The following EDC3 variants were observed in gnomAD, a reference collection of about 807,000 sequenced individuals.
The protein encoded by EDC3 is enhancer of mRNA-decapping protein 3.
EDC3 carries 20 observed loss-of-function variants against 41.8 expected under a neutral mutation model. That is an observed-to-expected ratio of 0.48 (90% CI 0.34 to 0.70). The LOEUF (loss-of-function observed/expected upper bound fraction) is 0.70, where lower values mean the gene tolerates loss of function less well. EDC3 is among the 30% of genes least tolerant of loss of function. The probability of loss-of-function intolerance (pLI) is 0.01; values close to 1 mark genes in which losing one functional copy is unlikely to be tolerated. For synonymous variants in EDC3, 206 were observed against 243.2 expected, an observed-to-expected ratio of 0.85 and a Z score of 1.42; for missense variants, 444 against 636.8, an observed-to-expected ratio of 0.70 and a Z score of 3.26.
chr15:74,692,941 C>T (rs1422298348), intron 1 of EDC3: 1 of 152,114 alleles, frequency 6.6e-6, no homozygotes, highest in African/African-American at 2.4e-5. Context: ...TATATAAGAT[C>T]TAACAGATTC....
intron 5 of EDC3, chr15:74,635,847 C>CA: frequency 1.7e-6 from 1 of 575,008 alleles, no homozygotes; most frequent in Non-Finnish European, 3.1e-6. Flanking sequence ...TGGGTCCTCC[C>CA]ACTAAGTGGT....
chr15:74,680,092 C>T (rs1187972250), intron 1 of EDC3, among the ~76,000 whole-genome samples: 1 of 151,644 alleles, frequency 6.6e-6, no homozygotes, highest in Non-Finnish European at 1.5e-5. Context: ...GAAACCCTGT[C>T]TCTACTAAAA....
intron 1 of EDC3, among the ~76,000 whole-genome samples, chr15:74,678,727 T>C (rs2062835450): frequency 6.6e-6 from 1 of 151,106 alleles, no homozygotes; most frequent in South Asian, 2.1e-4. Flanking sequence ...CTGCCTCTAC[T>C]AAAAATACAA....
chr15:74,663,343 A>G (rs528376245), intron 3 of EDC3, among the ~76,000 whole-genome samples: 11 of 152,268 alleles, frequency 7.2e-5, no homozygotes, highest in African/African-American at 2.2e-4. Flanking sequence ...AAAGAAAAGC[A>G]TAAGTTGCTT....
At chr15:74,677,359 C>CTTTTTTTT (rs747397931) in intron 1 of EDC3, among the ~76,000 whole-genome samples, 1 of 111,324 alleles carries the variant, frequency 9.0e-6, no homozygotes, top group Non-Finnish European at 1.9e-5. Context: ...CATGCCCAGC[C>CTTTTTTTT]TTTTTTTTTT....
intron 3 of EDC3, among the ~76,000 whole-genome samples, chr15:74,670,887 G>C (rs1223538317): frequency 6.6e-6 from 1 of 152,158 alleles, no homozygotes; most frequent in Admixed American, 6.6e-5. Flanking sequence ...AAAGATCACA[G>C]AGATGTTTGG....
chr15:74,691,142 A>C (rs905042049), intron 1 of EDC3, among the ~76,000 whole-genome samples: 1 of 151,964 alleles, frequency 6.6e-6, no homozygotes, highest in Non-Finnish European at 1.5e-5. Context: ...GTCTCAAAAA[A>C]AAAAAAAAAG....
At chr15:74,633,021 CA>C in intron 6 of EDC3, 75 bp from the exon 7 acceptor site, 1 of 1,475,460 alleles carries the variant, frequency 6.8e-7, no homozygotes, top group Non-Finnish European at 9.3e-7. Flanking sequence ...GGGCCCAGGT[CA>C]CCCCAAGGGT....
intron 3 of EDC3, among the ~76,000 whole-genome samples, chr15:74,666,130 ACT>A (rs1416156908): frequency 3.3e-5 from 5 of 152,162 alleles, no homozygotes; most frequent in Non-Finnish European, 7.4e-5. Flanking sequence ...TCATCAATCT[ACT>A]AGTCTCAATA....
At chr15:74,645,081 A>G (rs557301752) in intron 4 of EDC3, 3 of 152,220 alleles carry the variant, frequency 2.0e-5, no homozygotes, top group Non-Finnish European at 2.9e-5. Flanking sequence ...CTGCAAATCA[A>G]TTGGCCTAGA....
intron 1 of EDC3, among the ~76,000 whole-genome samples, chr15:74,692,041 G>A (rs1043943754): frequency 1.3e-5 from 2 of 151,940 alleles, no homozygotes; most frequent in Non-Finnish European, 2.9e-5. Context: ...GGATGGTCTC[G>A]ATCTCCTGAC....
intron 5 of EDC3, 106 bp from the exon 6 acceptor site, chr15:74,635,732 C>A: frequency 9.6e-7 from 1 of 1,036,820 alleles, no homozygotes. Context: ...ATCTCTTACC[C>A]ACTGCTCACC....
rs1203001066 is a variant in EDC3 at position 74,671,811 on chromosome 15, A to C, written c.165-37T>G. ...AAAAAAGCCAAGTCTCAAAATTATAATAGTGGTAAGAATGATGAAACTGAG... is the reference window on the plus strand; with the variant it reads ...AAAAAAGCCAAGTCTCAAAATTATACTAGTGGTAAGAATGATGAAACTGAG... On this transcript the variant is annotated intron_variant, in intron 2 of 6. Transcript: ENST00000315127. The surrounding 1 kb of genome is among the most constrained non-coding windows in gnomAD (Gnocchi z 4.6). 1.9e-6 allele frequency: 3 copies of C among 1,590,296 alleles called. No homozygotes were observed. The highest frequency in any genetic ancestry group is 2.6e-6 in the Non-Finnish European group (3 of 1,160,706).
intron 1 of EDC3, among the ~76,000 whole-genome samples, chr15:74,692,658 C>T (rs2063020600): frequency 6.6e-6 from 1 of 152,182 alleles, no homozygotes; most frequent in African/African-American, 2.4e-5. Flanking sequence ...AGATACATTA[C>T]TAAGCAGGGT....
At chr15:74,666,483 A>G (rs1446234473) in intron 3 of EDC3, among the ~76,000 whole-genome samples, 1 of 152,242 alleles carries the variant, frequency 6.6e-6, no homozygotes, top group African/African-American at 2.4e-5. Flanking sequence ...AAATTGATAT[A>G]TCCACACAAT....
chr15:74,667,446 G>C (rs2062688335), intron 3 of EDC3, among the ~76,000 whole-genome samples: 1 of 132,570 alleles, frequency 7.5e-6, no homozygotes, highest in African/African-American at 2.8e-5. Flanking sequence ...GGGGAGGAGG[G>C]AGGGGGAGAG....
At chr15:74,659,771 G>A (rs138680618) in intron 3 of EDC3, among the ~76,000 whole-genome samples, 5 of 152,010 alleles carry the variant, frequency 3.3e-5, no homozygotes, top group Admixed American at 1.3e-4. Flanking sequence ...AGAGGGCTGG[G>A]AGCGGTGGCT....
chr15:74,668,431 AT>A (rs1307907762), intron 3 of EDC3, among the ~76,000 whole-genome samples: 2 of 152,234 alleles, frequency 1.3e-5, no homozygotes, highest in African/African-American at 4.8e-5. Flanking sequence ...TGAATTGCTA[AT>A]AAGGGTCATC....
Position 74,660,925 on chromosome 15 carries a change from C to G in EDC3, c.485-4857G>C, listed in dbSNP as rs959400576. Among the ~76,000 whole-genome samples the G allele has an allele frequency of 2.6e-5, 4 of 152,276 alleles. No individual in the cohort carries two copies. In the South Asian group the frequency reaches 8.3e-4, roughly 32 times the overall value. On this transcript the variant is annotated intron_variant, in intron 3 of 6. Coordinates refer to ENST00000315127, the MANE Select transcript of EDC3 (RefSeq NM_025083.5). ...CTGAGGAAAATGTGACATTCCATAA[C>G]AAGAAGTCTATCCATGCAAGTGGTT...
Sources: allele counts gnomAD v4.1 joint callset (sites outside exome capture counted in the v4.1 genomes callset), GRCh38; gene constraint gnomAD v4.1.1; non-coding constraint Gnocchi (gnomAD v3.1); transcripts MANE v1.5; gene names NCBI Gene and HGNC (gene_info 2026-07-23, HGNC 2026-07-21).